The following CLSPN variants were observed in gnomAD, a reference collection of about 807,000 sequenced individuals.
The protein encoded by CLSPN is claspin, also known as claspin homolog.
A neutral mutation model predicts 156.3 loss-of-function variants in CLSPN; 85 were observed. The ratio of observed to expected loss-of-function variants is 0.54; its 90% CI spans 0.46 to 0.65. The LOEUF is 0.65. CLSPN is among the 30% of genes least tolerant of loss of function. The probability of loss-of-function intolerance (pLI) is 0.00; values close to 1 mark genes in which losing one functional copy is unlikely to be tolerated. For missense variants in CLSPN, 1,407 were observed against 1,554.9 expected (o/e 0.90, Z 1.60); for synonymous variants, 534 against 542.4 (o/e 0.98, Z 0.22).
At position 35,735,117 on chromosome 1, in the gene CLSPN, C is replaced by T; in HGVS notation, c.*1379G>A. 2.0e-6 allele frequency: 2 copies of T among 985,404 alleles called. No homozygotes were observed. Among genetic ancestry groups the T allele is most frequent in the Non-Finnish European group, 2.4e-6 (2 of 829,932 alleles). The allele number at this position is 985,404 out of a possible 1,614,324, so 61.0% of individuals were successfully genotyped here. On this transcript the variant is annotated 3_prime_UTR_variant, in exon 25 of 25. Transcript: ENST00000318121. ...GGGTTATGTTTCTTCTTGTCAGACC[C>T]AGAAGGGAGATCTTTGAACAACAGT... is the stretch of plus-strand genomic sequence containing the variant.
In CLSPN at chr1:35,764,694, C is replaced by G. The variant is rs748798553; in HGVS notation, c.154G>C (p.Val52Leu). The G allele has an allele frequency of 1.3e-6, 2 of 1,577,454 alleles. No individual in the cohort carries two copies. The highest frequency in any genetic ancestry group is 4.0e-5 in the Admixed American group (2 of 49,696). Residue 52 changes from valine to leucine, a missense_variant, in exon 3 of 25, where the codon GTA (valine) becomes CTA (leucine). Val to Leu is a conservative substitution (Grantham distance 32). This residue lies in a region of CLSPN where 1,096 missense variants were observed against 1,193.0 expected (regional missense o/e 0.92). Transcript: ENST00000318121. Reference protein sequence around the residue: ...SEGDSDEEIFVSKKLKNRKVL... With the variant: ...SEGDSDEEIFLSKKLKNRKVL... ...TTCCTGTTTTTCAACTTCTTACTTA[C>G]AAATATCTCTTCATCTGAATCTGGA...
intron 23 of CLSPN, 44 bp from the exon 24 acceptor site, chr1:35,737,119 C>A: frequency 1.3e-6 from 2 of 1,590,456 alleles, no homozygotes; most frequent in Non-Finnish European, 1.7e-6. Flanking sequence ...CAAGTGCCAA[C>A]TAAAGAATGA....
chr1:35,726,152 C>CAAAAAAAAAAAAAAA lies in CLSPN; in HGVS notation c.3910-5187_3910-5173dup, dbSNP rs3041363. On this transcript the variant is annotated intron_variant, in intron 24 of 24. Transcript: ENST00000251195. Reference sequence around the variant, plus strand: ...ACACACCCATAGAAACAGATGCAGACAAAAAAAAAAAAAAAAAAAAAAAGC... The same window carrying CAAAAAAAAAAAAAAA: ...ACACACCCATAGAAACAGATGCAGACAAAAAAAAAAAAAAAAAAAAAAAAAAAAAAAAAAAAAAGC... Among the ~76,000 whole-genome samples, 71 of 48,200 alleles carry CAAAAAAAAAAAAAAA rather than the reference C, an allele frequency of 1.5e-3. 22 individuals carry two copies. Among genetic ancestry groups the CAAAAAAAAAAAAAAA allele is most frequent in the Non-Finnish European group, 1.8e-3 (50 of 27,330 alleles). The allele number at this position is 48,200 out of a possible 152,430, so 31.6% of individuals were successfully genotyped here.
rs1641339588 is a variant in CLSPN at position 35,732,382 on chromosome 1, C to G, written c.*4114G>C. 1.0e-6 allele frequency: 1 copy of G among 985,188 alleles called. No individual in the cohort carries two copies. The highest frequency in any genetic ancestry group is 6.2e-5 in the Admixed American group (1 of 16,254). The allele number at this position is 985,188 out of a possible 1,614,324, so 61.0% of individuals were successfully genotyped here. ...CCCCTAAAAAGTCTCCCAGCCTGAG[C>G]ATTAGAAACTCTCAAAGTGAGGAGA... On this transcript the variant is annotated 3_prime_UTR_variant, in exon 25 of 25. Coordinates refer to ENST00000318121, the MANE Select transcript of CLSPN (RefSeq NM_022111.4).
rs973062558 is a variant in CLSPN at position 35,735,278 on chromosome 1, C to T, written c.*1218G>A. 3.0e-6 allele frequency: 3 copies of T among 985,230 alleles called. No homozygotes were observed. The African/African-American group carries it at 5.2e-5, about 17-fold the overall frequency. The allele number at this position is 985,230 out of a possible 1,614,324, so 61.0% of individuals were successfully genotyped here. On this transcript the variant is annotated 3_prime_UTR_variant, in exon 25 of 25. Coordinates refer to ENST00000318121, the MANE Select transcript of CLSPN (RefSeq NM_022111.4). The stretch of plus-strand genomic sequence containing the variant: ...AGGCAGAGTCTTTCTGACTTGGGTA[C>T]CAGTTTAAGTCCTTATTAAGCAGCA...
At chr1:35,759,104 AAG>A (rs2148624347) in intron 8 of CLSPN, among the ~76,000 whole-genome samples, 1 of 152,324 alleles carries the variant, frequency 6.6e-6, no homozygotes, top group East Asian at 1.9e-4. Flanking sequence ...AGCTCTATCT[AAG>A]AGTCAGGAAA....
rs148158704 is a variant in CLSPN at position 35,722,289 on chromosome 1, C to G, written c.3910-1309G>C. On this transcript the variant is annotated intron_variant, in intron 24 of 24. Coordinates refer to the CLSPN transcript ENST00000251195. ...TTTTTTTTTGAGATGGAGTCTCTCT[C>G]TGTCACCCAGGCTAGAGTGCAGTGG... Among the ~76,000 whole-genome samples the G allele has an allele frequency of 6.9e-3, 887 of 128,874 alleles. 14 individuals are homozygous for G. Among genetic ancestry groups the G allele is most frequent in the African/African-American group, 0.025 (847 of 33,494 alleles). The allele number at this position is 128,874 out of a possible 152,430, so 84.5% of individuals were successfully genotyped here. A position where few individuals can be genotyped will look rare whatever the true frequency, so the allele number is the denominator to read the frequency against.
intron 3 of CLSPN, among the ~76,000 whole-genome samples, chr1:35,764,015 T>C (rs1642577783): frequency 6.6e-6 from 1 of 152,054 alleles, no homozygotes; most frequent in South Asian, 2.1e-4. Context: ...GCCTAGGCTG[T>C]TCTCGAACTC....
downstream of CLSPN, among the ~76,000 whole-genome samples, chr1:35,731,266 G>A (rs922785432): frequency 7.9e-5 from 12 of 151,958 alleles, no homozygotes; most frequent in African/African-American, 2.9e-4. Flanking sequence ...CTTCTCTGAG[G>A]AAATTAGGCT....
rs1641421984 is a variant in CLSPN, at chr1:35,735,146, T to C, written c.*1350A>G. 1.0e-6 allele frequency: 1 copy of C among 985,310 alleles called. No homozygotes were observed. The highest frequency in any genetic ancestry group is 6.1e-5 in the Admixed American group (1 of 16,268). The allele number at this position is 985,310 out of a possible 1,614,324, so 61.0% of individuals were successfully genotyped here. ...AGGGAGATCTTTGAACAACAGTGCT[T>C]CAAATTGAGAATTCAGTCCCAGGAA... On this transcript the variant is annotated 3_prime_UTR_variant, in exon 25 of 25. Coordinates refer to ENST00000318121, the MANE Select transcript of CLSPN (RefSeq NM_022111.4).
At chr1:35,729,625 G>A (rs542098868), downstream of CLSPN, among the ~76,000 whole-genome samples, 123 of 152,254 alleles carry the variant, frequency 8.1e-4, no homozygotes, top group African/African-American at 2.7e-3. Context: ...CACAAGCCAC[G>A]TCTATCTCCC....
chr1:35,758,341 C>T (rs927383698), intron 8 of CLSPN, among the ~76,000 whole-genome samples: 1 of 151,902 alleles, frequency 6.6e-6, no homozygotes, highest in African/African-American at 2.4e-5. Flanking sequence ...ACTGACTATG[C>T]TTGGTTTAAT....
intron 8 of CLSPN, among the ~76,000 whole-genome samples, chr1:35,756,878 T>C (rs1194380435): frequency 5.9e-5 from 9 of 152,200 alleles, no homozygotes; most frequent in Non-Finnish European, 8.8e-5. Context: ...GAGTATCTGA[T>C]TGAACATTTC....
At chr1:35,755,856 A>C (rs908349512) in intron 8 of CLSPN, among the ~76,000 whole-genome samples, 1 of 152,072 alleles carries the variant, frequency 6.6e-6, no homozygotes, top group Admixed American at 6.6e-5. Context: ...CTACAGGTGC[A>C]TGTCACCACA....
chr1:35,732,285 G>A lies in CLSPN; in HGVS notation c.*4211C>T. The A allele has an allele frequency of 1.0e-6, 1 of 985,298 alleles. No individual in the cohort carries two copies. The highest frequency in any genetic ancestry group is 1.2e-6 in the Non-Finnish European group (1 of 829,922). The allele number at this position is 985,298 out of a possible 1,614,324, so 61.0% of individuals were successfully genotyped here. A position where few individuals can be genotyped will look rare whatever the true frequency, so the allele number is the denominator to read the frequency against. On this transcript the variant is annotated 3_prime_UTR_variant, in exon 25 of 25. Transcript: ENST00000318121. ...CAGAAATACTCTCCTCTATCCTTAG[G>A]AGCACAAATCCCAGGACAGGATGCC...
chr1:35,726,775 G>A (rs1172018554), intron 24 of CLSPN, among the ~76,000 whole-genome samples: 3 of 152,218 alleles, frequency 2.0e-5, no homozygotes, highest in African/African-American at 4.8e-5. Flanking sequence ...GGAGCTTGCC[G>A]GACGAGGAGC....
intron 16 of CLSPN, 48 bp from the exon 17 acceptor site, chr1:35,743,578 T>C: frequency 6.8e-7 from 1 of 1,464,430 alleles, no homozygotes; most frequent in Non-Finnish European, 9.5e-7. Flanking sequence ...GAAAGCAAAC[T>C]ACAAGTAGTC....
intron 8 of CLSPN, among the ~76,000 whole-genome samples, chr1:35,755,768 G>A (rs1642253240): frequency 6.6e-6 from 1 of 152,090 alleles, no homozygotes; most frequent in East Asian, 1.9e-4. Flanking sequence ...GAGTGCAGTG[G>A]TGCGATCACA....
At chr1:35,758,805 T>TC (rs1642378822) in intron 8 of CLSPN, among the ~76,000 whole-genome samples, 2 of 150,182 alleles carry the variant, frequency 1.3e-5, no homozygotes. Flanking sequence ...CTTTTTCTTT[T>TC]TTTTTTTTTT....
Sources: gnomAD v4.1 joint callset for allele counts (sites outside exome capture counted in the v4.1 genomes callset) on GRCh38, gnomAD v4.1.1 for gene constraint, gnomAD v4.1.1 regional missense constraint, MANE v1.5 for transcripts, NCBI Gene and HGNC (gene_info 2026-07-23, HGNC 2026-07-21) for gene names.